The following PLXNA2 variants were observed in gnomAD, a reference collection of about 807,000 sequenced individuals.
PLXNA2 encodes the protein plexin A2.
In PLXNA2, 91 loss-of-function variants were observed where a neutral mutation model predicts 193.5. That is an observed-to-expected ratio of 0.47 (90% CI 0.40 to 0.56). The LOEUF is 0.56. Among genes scored for constraint, PLXNA2 ranks in the 20% least tolerant of loss-of-function variants. The pLI is 0.00. For synonymous variants in PLXNA2, 997 were observed against 1,027.3 expected, an observed-to-expected ratio of 0.97 and a Z score of 0.56; for missense variants, 1,995 against 2,503.2, an observed-to-expected ratio of 0.80 and a Z score of 4.33.
intron 4 of PLXNA2, among the ~76,000 whole-genome samples, chr1:208,139,334 C>A (rs1668400464): frequency 1.3e-5 from 2 of 152,158 alleles, no homozygotes; most frequent in Admixed American, 1.3e-4. Flanking sequence ...TCTCCTGGCT[C>A]AGGCTGAGGA....
intron 22 of PLXNA2, among the ~76,000 whole-genome samples, chr1:208,041,049 G>A (rs1344398283): frequency 5.3e-5 from 8 of 152,196 alleles, no homozygotes; most frequent in Non-Finnish European, 1.2e-4. Flanking sequence ...AGTGACAATG[G>A]CAGAAAAAAT....
chr1:208,046,867 C>T (rs1434298680), intron 17 of PLXNA2, among the ~76,000 whole-genome samples: 7 of 148,674 alleles, frequency 4.7e-5, no homozygotes, highest in African/African-American at 1.2e-4. Flanking sequence ...GGAAGTGGTA[C>T]GAGATGAGCA....
intron 3 of PLXNA2, among the ~76,000 whole-genome samples, chr1:208,203,792 A>G (rs1343450128): frequency 1.3e-5 from 2 of 152,216 alleles, no homozygotes; most frequent in African/African-American, 4.8e-5. Context: ...TGCAGGGGCG[A>G]TCAGCACCCT....
chr1:208,112,113 G>A (rs1186588988), intron 4 of PLXNA2, among the ~76,000 whole-genome samples: 2 of 152,210 alleles, frequency 1.3e-5, no homozygotes, highest in Non-Finnish European at 2.9e-5. Context: ...TCAGAGAGAG[G>A]AGACCAAAGT....
intron 4 of PLXNA2, 43 bp downstream of exon 4, chr1:208,142,286 G>A: frequency 6.5e-7 from 1 of 1,547,994 alleles, no homozygotes; most frequent in Non-Finnish European, 8.7e-7. Flanking sequence ...ATTATCAGCA[G>A]TTTCTTGGAG....
chr1:208,162,438 C>T (rs1234922818), intron 3 of PLXNA2, among the ~76,000 whole-genome samples: 1 of 152,172 alleles, frequency 6.6e-6, no homozygotes, highest in Non-Finnish European at 1.5e-5. Flanking sequence ...TTTATTGGGC[C>T]TCAGTTGACT....
chr1:208,125,437 C>T (rs888158003), intron 4 of PLXNA2, among the ~76,000 whole-genome samples: 3 of 152,140 alleles, frequency 2.0e-5, no homozygotes, highest in Admixed American at 6.5e-5. Context: ...CTTCCTCCAT[C>T]AGAATTTACC....
In PLXNA2 at chr1:208,170,715, T is replaced by C. The variant is rs113056435; in HGVS notation, c.1372-28252A>G. Among the ~76,000 whole-genome samples the C allele has an allele frequency of 3.9e-3, 588 of 152,362 alleles. 4 individuals are homozygous for C. The highest frequency in any genetic ancestry group is 0.013 in the African/African-American group (532 of 41,586). On this transcript the variant is annotated intron_variant, in intron 3 of 31. Coordinates refer to ENST00000367033, the MANE Select transcript of PLXNA2 (RefSeq NM_025179.4). ...ATAAGTACTGTCAAAAATTGCCTTTTACCCTATAATCTACATTGTTTTTAA... is the reference window on the plus strand; with the variant it reads ...ATAAGTACTGTCAAAAATTGCCTTTCACCCTATAATCTACATTGTTTTTAA...
chr1:208,094,335 C>T (rs1310136087), intron 8 of PLXNA2, among the ~76,000 whole-genome samples: 3 of 152,068 alleles, frequency 2.0e-5, no homozygotes, highest in Admixed American at 6.5e-5. Flanking sequence ...AAGGAGGGGA[C>T]TATACTTGAT....
intron 3 of PLXNA2, among the ~76,000 whole-genome samples, chr1:208,180,891 C>G (rs1008018736): frequency 6.6e-6 from 1 of 152,226 alleles, no homozygotes; most frequent in Non-Finnish European, 1.5e-5. Context: ...GGAGTAACCG[C>G]TATTGGCCCT....
chr1:208,126,119 G>C (rs1667969023), intron 4 of PLXNA2, among the ~76,000 whole-genome samples: 1 of 152,220 alleles, frequency 6.6e-6, no homozygotes, highest in South Asian at 2.1e-4. Flanking sequence ...GTTAGCAGCT[G>C]AGCCCAGCAG....
chr1:208,108,050 C>T (rs1667329941), intron 4 of PLXNA2, among the ~76,000 whole-genome samples: 1 of 152,132 alleles, frequency 6.6e-6, no homozygotes, highest in South Asian at 2.1e-4. Context: ...GGCCCCGGGG[C>T]CCCGCGTCTC....
At chr1:208,086,032 A>C (rs1666507885) in intron 9 of PLXNA2, among the ~76,000 whole-genome samples, 1 of 152,068 alleles carries the variant, frequency 6.6e-6, no homozygotes, top group Admixed American at 6.5e-5. Context: ...AACTCAGCCC[A>C]GTTTCTTCTC....
intron 4 of PLXNA2, among the ~76,000 whole-genome samples, chr1:208,125,014 T>G (rs1667930548): frequency 6.6e-6 from 1 of 152,180 alleles, no homozygotes; most frequent in Admixed American, 6.5e-5. Context: ...GACTAGTATC[T>G]CCGGTTTTCT....
At chr1:208,043,015 G>A in intron 21 of PLXNA2, 46 bp downstream of exon 21, 1 of 1,603,060 alleles carries the variant, frequency 6.2e-7, no homozygotes, top group Non-Finnish European at 8.5e-7. Flanking sequence ...GGATACCCTG[G>A]GCCTGCATCC....
intron 12 of PLXNA2, among the ~76,000 whole-genome samples, chr1:208,064,151 C>A (rs151037777): frequency 5.6e-4 from 85 of 152,298 alleles, no homozygotes; most frequent in African/African-American, 2.0e-3. Context: ...TCGCCAGGCC[C>A]TATCAGTTCT....
chr1:208,186,800 AGC>A (rs1670020544), intron 3 of PLXNA2, among the ~76,000 whole-genome samples: 5 of 149,982 alleles, frequency 3.3e-5, no homozygotes. Flanking sequence ...GCTCACTGCA[AGC>A]TCCGCTTCCC....
intron 3 of PLXNA2, among the ~76,000 whole-genome samples, chr1:208,187,485 A>C (rs1288379347): frequency 1.3e-5 from 2 of 152,192 alleles, no homozygotes; most frequent in African/African-American, 4.8e-5. Context: ...TCCAAAGAAC[A>C]CCACCTGAAC....
chr1:208,235,818 T>TTA (rs1467550157), intron 1 of PLXNA2, among the ~76,000 whole-genome samples: 1 of 152,158 alleles, frequency 6.6e-6, no homozygotes, highest in Non-Finnish European at 1.5e-5. Context: ...TCTAAGTCTG[T>TTA]GGGCCAAGAA....
Sources: gnomAD v4.1 joint callset for allele counts (sites outside exome capture counted in the v4.1 genomes callset) on GRCh38, gnomAD v4.1.1 for gene constraint, MANE v1.5 for transcripts, NCBI Gene and HGNC (gene_info 2026-07-23, HGNC 2026-07-21) for gene names.